The following CTNNA2 variants were observed in gnomAD, a reference collection of about 807,000 sequenced individuals.
CTNNA2 encodes the protein catenin alpha 2, also known as catenin alpha-2.
Under a neutral mutation model 101.0 loss-of-function variants are expected in CTNNA2, and 42 were observed. The ratio of observed to expected loss-of-function variants is 0.42; its 90% CI spans 0.32 to 0.54. CTNNA2 has a LOEUF of 0.54. CTNNA2 is among the 20% of genes least tolerant of loss of function. The pLI, the probability that CTNNA2 is intolerant of heterozygous loss-of-function variation, is 0.14. For missense variants in CTNNA2, 871 were observed against 1,223.1 expected, an observed-to-expected ratio of 0.71 and a Z score of 4.29; for synonymous variants, 450 against 456.4, an observed-to-expected ratio of 0.99 and a Z score of 0.18.
intron 7 of CTNNA2, among the ~76,000 whole-genome samples, chr2:80,046,901 A>G (rs1445695539): frequency 6.6e-6 from 1 of 152,240 alleles, no homozygotes; most frequent in Admixed American, 6.5e-5. Flanking sequence ...GTTAAGAGGT[A>G]TAGCACGGAT....
chr2:79,916,707 C>T (rs1189329615), intron 7 of CTNNA2, among the ~76,000 whole-genome samples: 2 of 151,450 alleles, frequency 1.3e-5, no homozygotes, highest in Admixed American at 6.6e-5. Flanking sequence ...CTCAGCCTCG[C>T]TAGTAGCTGG....
At chr2:80,608,948 C>T (rs1009957222) in intron 17 of CTNNA2, among the ~76,000 whole-genome samples, 3 of 151,812 alleles carry the variant, frequency 2.0e-5, no homozygotes, top group Non-Finnish European at 4.4e-5. Context: ...TTATCAAATG[C>T]ATAGAAATAA....
At chr2:79,922,278 A>G (rs1686713889) in intron 7 of CTNNA2, among the ~76,000 whole-genome samples, 1 of 152,108 alleles carries the variant, frequency 6.6e-6, no homozygotes, top group Non-Finnish European at 1.5e-5. Flanking sequence ...CATCATTTGC[A>G]TATTATGTAA....
chr2:80,595,315 T>C (rs1034904885), intron 15 of CTNNA2, among the ~76,000 whole-genome samples: 7 of 152,174 alleles, frequency 4.6e-5, no homozygotes, highest in Non-Finnish European at 1.5e-5. Context: ...CTAGAAACAT[T>C]TTGTATCCTG....
chr2:80,406,443 T>A (rs575561799), intron 8 of CTNNA2, among the ~76,000 whole-genome samples: 32 of 152,094 alleles, frequency 2.1e-4, no homozygotes, highest in Non-Finnish European at 4.3e-4. Context: ...TAATGGACTC[T>A]GAGCAGACTT....
rs534991987 is a variant in CTNNA2 at position 79,656,626 on chromosome 2, G to C, written c.102+4968G>C. 3.9e-5 allele frequency among the ~76,000 whole-genome samples: 6 copies of C among 152,094 alleles called. No individual in the cohort carries two copies. In the South Asian group the frequency reaches 1.2e-3, roughly 32 times the overall value. ...GAGGCCTATACATTTATTGTATAAT[G>C]TTGAAATGGCAAGATTCCTTTTGGA... is the stretch of plus-strand genomic sequence containing the variant. On this transcript the variant is annotated intron_variant, in intron 2 of 18. Coordinates refer to ENST00000402739, the MANE Select transcript of CTNNA2 (RefSeq NM_001282597.3).
chr2:80,307,481 GA>G (rs746800497), intron 7 of CTNNA2, among the ~76,000 whole-genome samples: 3 of 150,194 alleles, frequency 2.0e-5, no homozygotes, highest in East Asian at 3.9e-4. Context: ...AGGAAAAAAA[GA>G]AAAAAAAAGC....
chr2:79,886,490 G>C (rs113322169), intron 6 of CTNNA2, among the ~76,000 whole-genome samples: 1 of 151,544 alleles, frequency 6.6e-6, no homozygotes, highest in Non-Finnish European at 1.5e-5. Context: ...GGTGGCTCAC[G>C]CCTGTAATCC....
intron 2 of CTNNA2, among the ~76,000 whole-genome samples, chr2:79,257,445 G>A (rs1414586192): frequency 6.6e-6 from 1 of 151,460 alleles, no homozygotes; most frequent in African/African-American, 2.4e-5. Context: ...ATTGTTGTAA[G>A]AGTGATAATG....
At chr2:79,620,470 A>G (rs937129757) in intron 1 of CTNNA2, among the ~76,000 whole-genome samples, 35 of 152,186 alleles carry the variant, frequency 2.3e-4, no homozygotes, top group African/African-American at 7.7e-4. Context: ...TCATACACAT[A>G]TGTGTCTTTC....
chr2:79,600,175 G>C (rs1458359393), intron 1 of CTNNA2, among the ~76,000 whole-genome samples: 1 of 151,196 alleles, frequency 6.6e-6, no homozygotes, highest in East Asian at 2.0e-4. Flanking sequence ...TTGCCCCTTA[G>C]TTATTTTATT....
rs138518944 is a variant in CTNNA2, at chr2:79,954,270, C to T, written c.1056+44473C>T. On this transcript the variant is annotated intron_variant, in intron 7 of 18. Coordinates refer to ENST00000402739, the MANE Select transcript of CTNNA2 (RefSeq NM_001282597.3). ...ACCTCAACACGTGGGGATTACAATT[C>T]GAGATGAGAGTTGGGTGGGGACACA... Among the ~76,000 whole-genome samples, 1,337 of 152,258 alleles carry T rather than the reference C, an allele frequency of 8.8e-3. 26 individuals carry two copies. Among genetic ancestry groups the T allele is most frequent in the African/African-American group, 0.03 (1,266 of 41,544 alleles).
intron 1 of CTNNA2, among the ~76,000 whole-genome samples, chr2:79,552,202 A>G (rs978907135): frequency 3.3e-5 from 5 of 152,200 alleles, no homozygotes; most frequent in Admixed American, 3.3e-4. Context: ...TCCAAAAGGG[A>G]AAAATCAGCC....
intron 2 of CTNNA2, among the ~76,000 whole-genome samples, chr2:79,658,142 G>A (rs1264057057): frequency 1.3e-5 from 2 of 151,932 alleles, no homozygotes; most frequent in African/African-American, 4.8e-5. Flanking sequence ...GCATATTGAT[G>A]TTTTAATTTC....
chr2:80,429,875 A>G (rs1327461571), intron 9 of CTNNA2, among the ~76,000 whole-genome samples: 1 of 152,228 alleles, frequency 6.6e-6, no homozygotes, highest in Admixed American at 6.5e-5. Flanking sequence ...GAGTCCAAGG[A>G]CATTTAGTAT....
intron 7 of CTNNA2, among the ~76,000 whole-genome samples, chr2:80,143,774 T>C (rs1430343149): frequency 6.6e-6 from 1 of 152,190 alleles, no homozygotes; most frequent in Non-Finnish European, 1.5e-5. Flanking sequence ...ATCACATAAT[T>C]GCAGTGAGAA....
intron 7 of CTNNA2, among the ~76,000 whole-genome samples, chr2:80,042,016 G>A (rs778615926): frequency 2.6e-5 from 4 of 152,202 alleles, no homozygotes; most frequent in Non-Finnish European, 4.4e-5. Flanking sequence ...CCAGGCTGGA[G>A]TGAAATGGCA....
intron 1 of CTNNA2, among the ~76,000 whole-genome samples, chr2:79,604,053 A>G (rs1447945015): frequency 6.6e-6 from 1 of 152,196 alleles, no homozygotes; most frequent in Non-Finnish European, 1.5e-5. Context: ...TTCTTTTCCT[A>G]GTCAAACACA....
chr2:79,847,934 G>T (rs1480627533), intron 3 of CTNNA2, among the ~76,000 whole-genome samples: 1 of 152,164 alleles, frequency 6.6e-6, no homozygotes, highest in African/African-American at 2.4e-5. Context: ...ACATTAGAAG[G>T]TTTTTGAAGT....
Sources: allele counts gnomAD v4.1 joint callset (sites outside exome capture counted in the v4.1 genomes callset), GRCh38; gene constraint gnomAD v4.1.1; transcripts MANE v1.5; gene names NCBI Gene and HGNC (gene_info 2026-07-23, HGNC 2026-07-21).